The following B4GALNT3 variants were observed in gnomAD, a reference collection of about 807,000 sequenced individuals.
B4GALNT3 encodes the protein beta-1,4-N-acetyl-galactosaminyltransferase 3.
Under a neutral mutation model 120.2 loss-of-function variants are expected in B4GALNT3, and 86 were observed. The ratio of observed to expected loss-of-function variants is 0.72; its 90% CI spans 0.60 to 0.86. The LOEUF (loss-of-function observed/expected upper bound fraction) is 0.86. Among genes scored for constraint, B4GALNT3 ranks in the 40% least tolerant of loss-of-function variants. The pLI, the probability that B4GALNT3 is intolerant of heterozygous loss-of-function variation, is 0.00. For missense variants in B4GALNT3, 1,167 were observed against 1,298.9 expected (o/e 0.90, Z 1.56); for synonymous variants, 518 against 510.4 (o/e 1.01, Z -0.20).
intron 3 of B4GALNT3, among the ~76,000 whole-genome samples, chr12:537,697 G>C (rs1281318775): frequency 6.6e-6 from 1 of 152,220 alleles, no homozygotes; most frequent in East Asian, 1.9e-4. Flanking sequence ...TTAAATTTGA[G>C]TTTCCTATTT....
At chr12:461,974 G>A (rs917325842) in intron 1 of B4GALNT3, among the ~76,000 whole-genome samples, 2 of 152,098 alleles carry the variant, frequency 1.3e-5, no homozygotes, top group Non-Finnish European at 2.9e-5. Flanking sequence ...GCACGCAAGC[G>A]TTTCCAGGGC....
At chr12:504,482 T>TGGC (rs1254263699) in intron 1 of B4GALNT3, among the ~76,000 whole-genome samples, 1 of 147,560 alleles carries the variant, frequency 6.8e-6, no homozygotes, top group Non-Finnish European at 1.5e-5. Flanking sequence ...TTTTCTGAGA[T>TGGC]GGCGTCTCAC....
intron 1 of B4GALNT3, among the ~76,000 whole-genome samples, chr12:498,756 G>A (rs1415009071): frequency 2.6e-5 from 4 of 152,148 alleles, no homozygotes; most frequent in Non-Finnish European, 5.9e-5. Flanking sequence ...TGTCTTTTTG[G>A]ATGTTCCCGC....
intron 1 of B4GALNT3, among the ~76,000 whole-genome samples, chr12:527,324 G>A (rs1267395153): frequency 6.6e-6 from 1 of 152,254 alleles, no homozygotes; most frequent in Non-Finnish European, 1.5e-5. Context: ...GCAAACACCT[G>A]GCATGGGCTC....
chr12:559,872 C>G (rs2075031), intron 19 of B4GALNT3, among the ~76,000 whole-genome samples: 28,533 of 151,948 alleles, frequency 0.19, 3,154 homozygotes, highest in East Asian at 0.33. Context: ...GCAGAAGAGA[C>G]AGTGTAGACC....
intron 1 of B4GALNT3, among the ~76,000 whole-genome samples, chr12:481,804 C>T (rs1365630505): frequency 3.3e-5 from 5 of 152,166 alleles, no homozygotes; most frequent in Non-Finnish European, 7.4e-5. Flanking sequence ...GCCTCAGCCT[C>T]AGCTGTGGGG....
chr12:557,680 C>T lies in B4GALNT3; in HGVS notation c.2453C>T (p.Pro818Leu). Residue 818 changes from proline (P) to leucine (L), a missense_variant, in exon 16 of 20, where the codon CCA (proline) becomes CTA (leucine). Pro to Leu is a moderately conservative substitution (Grantham distance 98). Around this residue, in one of 3 missense-constraint regions of B4GALNT3, gnomAD observed 983 missense variants for 1,102.5 expected, o/e 0.89. Transcript: ENST00000266383. The part of the protein sequence containing the change: ...MENLFQVTGD[P>L]HFNIVITDYS... ...AACCTGTTCCAGGTCACCGGTGACC[C>T]ACACTTCAACATCGTCATCACTGAC... 1.2e-6 allele frequency: 2 copies of T among 1,609,630 alleles called. No individual in the cohort carries two copies. The highest frequency in any genetic ancestry group is 1.7e-6 in the Non-Finnish European group (2 of 1,178,466).
chr12:544,037 C>T (rs1324741925), intron 3 of B4GALNT3, among the ~76,000 whole-genome samples: 47 of 102,658 alleles, frequency 4.6e-4, no homozygotes, highest in African/African-American at 1.9e-3. Flanking sequence ...GGAGCTGGGG[C>T]GGGCATGGGG....
At chr12:511,482 TCTTCCACCTTCCAC>T (rs1285184433) in intron 1 of B4GALNT3, among the ~76,000 whole-genome samples, 3 of 66,212 alleles carry the variant, frequency 4.5e-5, no homozygotes, top group East Asian at 5.6e-4. Context: ...TCTTCCACCT[TCTTCCACCTTCCAC>T]CTTCCACCTT....
At chr12:528,679 G>A (rs1946779585) in intron 1 of B4GALNT3, among the ~76,000 whole-genome samples, 1 of 152,132 alleles carries the variant, frequency 6.6e-6, no homozygotes, top group African/African-American at 2.4e-5. Context: ...TTTCTGGCGG[G>A]GTTCAGGCCC....
chr12:512,553 G>GACCTTCCACCTTCC (rs1260453642), intron 1 of B4GALNT3, among the ~76,000 whole-genome samples: 1 of 56,042 alleles, frequency 1.8e-5, no homozygotes, highest in East Asian at 6.1e-4. Context: ...TTCCACCTTC[G>GACCTTCCACCTTCC]ACCTTCCACC....
chr12:471,107 G>A (rs1404381715), intron 1 of B4GALNT3, among the ~76,000 whole-genome samples: 2 of 151,738 alleles, frequency 1.3e-5, no homozygotes, highest in African/African-American at 2.4e-5. Context: ...ACTACATTGT[G>A]GCTGGGCGCG....
intron 1 of B4GALNT3, among the ~76,000 whole-genome samples, chr12:479,474 TATACTTAGGG>T (rs1473396291): frequency 1.3e-5 from 2 of 152,146 alleles, no homozygotes; most frequent in Admixed American, 1.3e-4. Context: ...TAAAAGGGGA[TATACTTAGGG>T]GACCTTTGGT....
At chr12:551,083 C>A in intron 11 of B4GALNT3, 52 bp downstream of exon 11, 1 of 1,450,968 alleles carries the variant, frequency 6.9e-7, no homozygotes, top group Non-Finnish European at 9.6e-7. Flanking sequence ...GGGATTGCTG[C>A]CTGTGACTGG....
intron 1 of B4GALNT3, among the ~76,000 whole-genome samples, chr12:475,333 A>C (rs1465113670): frequency 6.6e-6 from 1 of 152,200 alleles, no homozygotes; most frequent in African/African-American, 2.4e-5. Flanking sequence ...TGACTTGGGA[A>C]TATTCTCCTT....
In B4GALNT3 at chr12:558,006, C is replaced by G. The variant is rs1947179074; in HGVS notation, c.2535-10C>G. The G allele has an allele frequency of 6.2e-7, 1 of 1,613,926 alleles. No individual in the cohort carries two copies. Among genetic ancestry groups the G allele is most frequent in the Non-Finnish European group, 8.5e-7 (1 of 1,179,960 alleles). On this transcript the variant is annotated splice_polypyrimidine_tract_variant and intron_variant, in intron 16 of 19. Transcript: ENST00000266383. ...GTCCTGATACGCAGCCCTCTCTCCC[C>G]TTCCTGCAGCTACCAGTACGTGAAG... is the stretch of plus-strand genomic sequence containing the variant.
At position 549,889 on chromosome 12, in the gene B4GALNT3, A is replaced by C. The variant is rs1210631643; in HGVS notation, c.974A>C (p.Asp325Ala). The C allele has an allele frequency of 1.9e-6, 3 of 1,612,760 alleles. No individual in the cohort carries two copies. In the African/African-American group the frequency reaches 4.0e-5, roughly 22 times the overall value. The change falls in exon 10 of 20, where the codon GAC becomes GCC. Residue 325 changes from aspartate (D) to alanine (A), a missense_variant. Physicochemically the swap from Asp to Ala is moderately radical, Grantham distance 126 (BLOSUM62 -2). Transcript: ENST00000266383. ...EQPPADMLRP[D>A]PRDTLYRVPL... is the part of the protein sequence containing the mutation. Reference sequence around the variant, plus strand: ...CCGCCCGCTGACATGCTTCGGCCTGACCCCCGGGACACCCTCTATCGAGGT... The same window carrying C: ...CCGCCCGCTGACATGCTTCGGCCTGCCCCCCGGGACACCCTCTATCGAGGT...
intron 1 of B4GALNT3, among the ~76,000 whole-genome samples, chr12:511,477 C>T (rs945087984): frequency 1.1e-4 from 9 of 79,974 alleles, no homozygotes; most frequent in Admixed American, 1.6e-4. Context: ...CACCTTCTTC[C>T]ACCTTCTTCC....
At position 556,445 on chromosome 12, in the gene B4GALNT3, AC is replaced by A. The variant is rs1947157050; in HGVS notation, c.2061-100del. On this transcript the variant is annotated intron_variant, in intron 14 of 19. Coordinates refer to ENST00000266383, the MANE Select transcript of B4GALNT3 (RefSeq NM_173593.4). ...AGCCAGTGGCAAAGCTAGGACAAAA[AC>A]CAGGGTCTCCCAACAACTAGCTTTG... The A allele has an allele frequency of 1.3e-5, 16 of 1,207,498 alleles. No individual in the cohort carries two copies. The South Asian group carries it at 2.2e-4, about 16-fold the overall frequency. The allele number at this position is 1,207,498 out of a possible 1,614,324, so 74.8% of individuals were successfully genotyped here.
Sources: gnomAD v4.1 joint callset for allele counts (sites outside exome capture counted in the v4.1 genomes callset) on GRCh38, gnomAD v4.1.1 for gene constraint, gnomAD v4.1.1 regional missense constraint, MANE v1.5 for transcripts, NCBI Gene and HGNC (gene_info 2026-07-23, HGNC 2026-07-21) for gene names.